The following CLTC variants were observed in gnomAD, a reference collection of about 807,000 sequenced individuals.
CLTC encodes the protein clathrin heavy chain.
In CLTC, 16 loss-of-function variants were observed where a neutral mutation model predicts 195.8. The ratio of observed to expected loss-of-function variants is 0.08; its 90% CI spans 0.06 to 0.12. The LOEUF (loss-of-function observed/expected upper bound fraction) is 0.12. CLTC is among the 10% of genes least tolerant of loss of function. The pLI, the probability that CLTC is intolerant of heterozygous loss-of-function variation, is 1.00. For synonymous variants in CLTC, 667 were observed against 689.4 expected (o/e 0.97, Z 0.51); for missense variants, 796 against 2,027.0 (o/e 0.39, Z 11.66).
chr17:59,638,655 C>T (rs1456088714), intron 1 of CLTC, among the ~76,000 whole-genome samples: 1 of 152,104 alleles, frequency 6.6e-6, no homozygotes, highest in Admixed American at 6.6e-5. Flanking sequence ...ACCTAGATCC[C>T]TCGCTTGCAC....
intron 30 of CLTC, among the ~76,000 whole-genome samples, chr17:59,687,487 G>GT (rs531755733): frequency 0.043 from 6,160 of 141,822 alleles, 320 homozygotes; most frequent in African/African-American, 0.13. Context: ...GCTTTTTGGG[G>GT]TTTTTTTTTT....
rs558948797 is a variant in CLTC, at chr17:59,641,533, A to C, written c.43-2743A>C. Among the ~76,000 whole-genome samples, 20 of 136,354 alleles carry C rather than the reference A, an allele frequency of 1.5e-4. 1 individual carries two copies. In the East Asian group the frequency reaches 4.1e-3, roughly 28 times the overall value. 89.5% of individuals were successfully genotyped at this position (136,354 alleles called of 152,430 possible). A position where few individuals can be genotyped will look rare whatever the true frequency, so the allele number is the denominator to read the frequency against. Reference sequence around the variant, plus strand: ...GGAGAATCACTTGAACCTAGGAGGCAGAGGTTGTAGTGAGCTGAGATCGAG... The same window carrying C: ...GGAGAATCACTTGAACCTAGGAGGCCGAGGTTGTAGTGAGCTGAGATCGAG... On this transcript the variant is annotated intron_variant, in intron 1 of 31. Coordinates refer to ENST00000269122, the MANE Select transcript of CLTC (RefSeq NM_004859.4).
At chr17:59,668,651 G>A (rs899887077) in intron 13 of CLTC, 126 bp from the exon 14 acceptor site, 28 of 674,152 alleles carry the variant, frequency 4.2e-5, no homozygotes, top group Middle Eastern at 4.4e-4. Context: ...TATTTTTATC[G>A]CGCTTTTTAA....
intron 2 of CLTC, among the ~76,000 whole-genome samples, chr17:59,645,834 C>T (rs960151500): frequency 1.4e-5 from 2 of 142,844 alleles, no homozygotes; most frequent in African/African-American, 5.1e-5. Context: ...TGTTTTACTT[C>T]TATTACTTCT....
chr17:59,679,285 T>C (rs2033031970), intron 17 of CLTC, 112 bp from the exon 18 acceptor site: 1 of 833,230 alleles, frequency 1.2e-6, no homozygotes, highest in Admixed American at 3.5e-5. Context: ...CTAGATCCAA[T>C]ATCAGTAAGA....
intron 1 of CLTC, among the ~76,000 whole-genome samples, chr17:59,637,094 TATAATC>T (rs1013173158): frequency 1.3e-4 from 20 of 151,664 alleles, no homozygotes; most frequent in African/African-American, 2.7e-4. Context: ...GACATTTTCT[TATAATC>T]ATAATATTAT....
chr17:59,634,248 T>C (rs1156751504), intron 1 of CLTC, among the ~76,000 whole-genome samples: 1 of 152,134 alleles, frequency 6.6e-6, no homozygotes, highest in East Asian at 1.9e-4. Context: ...GGTTTGGATA[T>C]ATTCTGCACA....
intron 1 of CLTC, among the ~76,000 whole-genome samples, chr17:59,638,536 G>A (rs1341794675): frequency 1.4e-5 from 2 of 141,408 alleles, no homozygotes; most frequent in South Asian, 2.6e-4. Flanking sequence ...TTTTGTGGAA[G>A]AAAATTTTTC....
intron 1 of CLTC, among the ~76,000 whole-genome samples, chr17:59,626,885 G>C (rs1189027911): frequency 6.6e-6 from 1 of 152,096 alleles, no homozygotes; most frequent in Non-Finnish European, 1.5e-5. Context: ...CATAATTTAA[G>C]ATATTTTTGT....
intron 13 of CLTC, among the ~76,000 whole-genome samples, chr17:59,667,830 T>C (rs1422821547): frequency 6.6e-6 from 1 of 152,164 alleles, no homozygotes; most frequent in Non-Finnish European, 1.5e-5. Flanking sequence ...GTAATCACTG[T>C]TGGGTGTCTA....
chr17:59,655,018 TATC>T (rs1175010536), intron 5 of CLTC, among the ~76,000 whole-genome samples: 9 of 152,254 alleles, frequency 5.9e-5, no homozygotes, highest in African/African-American at 1.9e-4. Flanking sequence ...TAGGTTTTCT[TATC>T]ATTCATGTGT....
At chr17:59,693,259 C>T (rs2033349137) in intron 31 of CLTC, among the ~76,000 whole-genome samples, 2 of 151,658 alleles carry the variant, frequency 1.3e-5, no homozygotes, top group Admixed American at 6.6e-5. Context: ...CCCAGCTACT[C>T]GGGAGGCTGA....
At position 59,681,882 on chromosome 17, in the gene CLTC, T is replaced by G. The variant is rs2033088887; in HGVS notation, c.3442+43T>G. 3.3e-6 allele frequency: 5 copies of G among 1,507,878 alleles called. No homozygotes were observed. In the South Asian group the frequency reaches 6.2e-5, roughly 19 times the overall value. The allele number at this position is 1,507,878 out of a possible 1,614,324, so 93.4% of individuals were successfully genotyped here. On this transcript the variant is annotated intron_variant, in intron 21 of 31. Transcript: ENST00000269122. The surrounding 1 kb of genome is among the most constrained non-coding windows in gnomAD (Gnocchi z 5.0). ...ATGTATTGAAACCTCATAAAATGAT[T>G]AAGCTAAGCATTAAGATATCTGTCT...
chr17:59,629,139 A>G (rs1176593232), intron 1 of CLTC, among the ~76,000 whole-genome samples: 2 of 152,188 alleles, frequency 1.3e-5, no homozygotes, highest in African/African-American at 4.8e-5. Flanking sequence ...ACGTGTAGAG[A>G]GAACATGGTT....
At chr17:59,663,624 T>C (rs1400514531) in intron 8 of CLTC, among the ~76,000 whole-genome samples, 2 of 152,194 alleles carry the variant, frequency 1.3e-5, no homozygotes, top group Non-Finnish European at 2.9e-5. Context: ...CTTGGTGAGC[T>C]TTTTATCGTT....
intron 1 of CLTC, among the ~76,000 whole-genome samples, chr17:59,631,800 A>G (rs998039864): frequency 2.0e-5 from 3 of 151,948 alleles, no homozygotes; most frequent in African/African-American, 7.2e-5. Flanking sequence ...GCAAAACCCT[A>G]TCTCTACAAA....
At position 59,682,497 on chromosome 17, in the gene CLTC, T is replaced by C; in HGVS notation, c.3600+69T>C. The C allele has an allele frequency of 6.3e-7, 1 of 1,592,184 alleles. No homozygotes were observed. The highest frequency in any genetic ancestry group is 8.6e-7 in the Non-Finnish European group (1 of 1,166,572). On this transcript the variant is annotated intron_variant, in intron 22 of 31. Transcript: ENST00000269122. The surrounding 1 kb of genome is among the most constrained non-coding windows in gnomAD (Gnocchi z 6.8). ...TGATTAGCTTGGTAGGATCAAAACA[T>C]CATAACTGAAGAATTCCAAGGAAAA...
chr17:59,679,263 CA>C (rs779288822), intron 17 of CLTC, 133 bp from the exon 18 acceptor site: 5 of 659,582 alleles, frequency 7.6e-6, no homozygotes, highest in Non-Finnish European at 1.2e-5. Context: ...GTACATGAAT[CA>C]AAGTCCAAAA....
intron 4 of CLTC, among the ~76,000 whole-genome samples, chr17:59,649,419 A>G (rs1158269876): frequency 1.3e-5 from 2 of 152,224 alleles, no homozygotes; most frequent in Admixed American, 1.3e-4. Flanking sequence ...GTCTAGTTTT[A>G]GGCAAGATCA....
Sources: gnomAD v4.1 joint callset for allele counts (sites outside exome capture counted in the v4.1 genomes callset) on GRCh38, gnomAD v4.1.1 for gene constraint, Gnocchi (gnomAD v3.1) non-coding constraint, MANE v1.5 for transcripts, NCBI Gene and HGNC (gene_info 2026-07-23, HGNC 2026-07-21) for gene names.